Variants in RBFOX1 observed in about 807,000 individuals in gnomAD.
RBFOX1 encodes RNA binding protein fox-1 homolog 1.
Under a neutral mutation model 57.7 loss-of-function variants are expected in RBFOX1, and 8 were observed. That is an observed-to-expected ratio of 0.14 (90% CI 0.08 to 0.25). RBFOX1 has a LOEUF of 0.25. Ranked by LOEUF, RBFOX1 falls within the 10% of genes least tolerant of loss-of-function variation. The pLI, the probability that RBFOX1 is intolerant of heterozygous loss-of-function variation, is 1.00. For synonymous variants in RBFOX1, 326 were observed against 222.4 expected (o/e 1.47, Z -4.15); for missense variants, 611 against 548.5 (o/e 1.11, Z -1.14).
chr16:6,394,360 A>G (rs1432668230), intron 2 of RBFOX1, among the ~76,000 whole-genome samples: 1 of 152,226 alleles, frequency 6.6e-6, no homozygotes, highest in East Asian at 1.9e-4. Flanking sequence ...TTTTGTTTTT[A>G]AAGGAATAAT....
At chr16:6,752,742 C>G (rs79803549) in intron 3 of RBFOX1, among the ~76,000 whole-genome samples, 2,773 of 152,236 alleles carry the variant, frequency 0.018, 87 homozygotes, top group African/African-American at 0.063. Context: ...TTTCCTATCC[C>G]CCTTTCCCTT....
intron 4 of RBFOX1, among the ~76,000 whole-genome samples, chr16:7,376,912 A>G (rs545102274): frequency 6.6e-6 from 1 of 152,266 alleles, no homozygotes; most frequent in South Asian, 2.1e-4. Flanking sequence ...CCCAGTGCAT[A>G]GACCCATGTT....
rs1315767180 is a variant in RBFOX1 at position 5,955,318 on chromosome 16, A to G, written c.351+87983A>G. Among the ~76,000 whole-genome samples the G allele has an allele frequency of 3.8e-4, 10 of 26,096 alleles. No individual in the cohort carries two copies. The East Asian group carries it at 7.7e-3, about 20-fold the overall frequency. 17.1% of individuals were successfully genotyped at this position (26,096 alleles called of 152,430 possible). A position where few individuals can be genotyped will look rare whatever the true frequency, so the allele number is the denominator to read the frequency against. Reference sequence around the variant, plus strand: ...AAATAAAATAAAATAAAATAAAATAAAATAAAATAAAATAAAATAAAATAA... The same window carrying G: ...AAATAAAATAAAATAAAATAAAATAGAATAAAATAAAATAAAATAAAATAA... On this transcript the variant is annotated intron_variant, in intron 4 of 19. Transcript: ENST00000641259.
chr16:6,901,432 C>T (rs12597669), intron 3 of RBFOX1, among the ~76,000 whole-genome samples: 33,571 of 152,002 alleles, frequency 0.22, 4,558 homozygotes, highest in Admixed American at 0.35. Flanking sequence ...ACACAGAGTC[C>T]AAGAGGTCAA....
chr16:5,265,077 C>A (rs554117296), intron 1 of RBFOX1, among the ~76,000 whole-genome samples: 82 of 151,864 alleles, frequency 5.4e-4, no homozygotes, highest in African/African-American at 1.7e-3. Context: ...AAATAGCAAC[C>A]TTATGTTGGT....
At chr16:6,120,177 C>T (rs72774507) in intron 1 of RBFOX1, among the ~76,000 whole-genome samples, 1,803 of 152,258 alleles carry the variant, frequency 0.012, 10 homozygotes, top group Non-Finnish European at 0.019. Context: ...TGTATTTATC[C>T]GTTGATTAGC....
chr16:7,070,925 G>T (rs567129274), intron 4 of RBFOX1, among the ~76,000 whole-genome samples: 1 of 152,170 alleles, frequency 6.6e-6, no homozygotes, highest in East Asian at 1.9e-4. Flanking sequence ...GAGCTAGTAA[G>T]CAGGACTCAG....
intron 2 of RBFOX1, among the ~76,000 whole-genome samples, chr16:6,574,630 G>A (rs1323767932): frequency 6.8e-6 from 1 of 147,906 alleles, no homozygotes. Context: ...GGGTTTCACC[G>A]TTTTAGCCGG....
At chr16:7,581,466 G>A (rs1457060341) in intron 6 of RBFOX1, among the ~76,000 whole-genome samples, 1 of 152,070 alleles carries the variant, frequency 6.6e-6, no homozygotes, top group African/African-American at 2.4e-5. Context: ...AAGTGTCACT[G>A]TGATGTTGGC....
intron 3 of RBFOX1, among the ~76,000 whole-genome samples, chr16:7,041,164 G>A (rs1008757871): frequency 7.2e-6 from 1 of 138,944 alleles, no homozygotes; most frequent in East Asian, 2.1e-4. Context: ...TCGAACATCT[G>A]ACCTCATGAT....
intron 1 of RBFOX1, among the ~76,000 whole-genome samples, chr16:6,151,491 G>A (rs2096797552): frequency 6.6e-6 from 1 of 152,096 alleles, no homozygotes; most frequent in African/African-American, 2.4e-5. Context: ...TCACCATGTT[G>A]GCCAGGCTGG....
At chr16:7,156,387 GCA>G (rs1269028745) in intron 4 of RBFOX1, among the ~76,000 whole-genome samples, 2 of 151,160 alleles carry the variant, frequency 1.3e-5, no homozygotes, top group Non-Finnish European at 2.9e-5. Flanking sequence ...GTACATATAT[GCA>G]CACATACATG....
At chr16:6,977,525 A>T (rs1207469594) in intron 3 of RBFOX1, among the ~76,000 whole-genome samples, 2 of 152,002 alleles carry the variant, frequency 1.3e-5, no homozygotes, top group Non-Finnish European at 2.9e-5. Flanking sequence ...CTCACTCAAA[A>T]TGGAGTCACT....
intron 4 of RBFOX1, among the ~76,000 whole-genome samples, chr16:5,978,168 G>T (rs898398436): frequency 4.0e-5 from 4 of 98,858 alleles, no homozygotes; most frequent in Non-Finnish European, 7.9e-5. Context: ...AAAAGCAAGA[G>T]CCAGGTGTGG....
At chr16:5,709,827 ATATATATATATATATATTTTTTT>A (rs2051399357) in intron 3 of RBFOX1, among the ~76,000 whole-genome samples, 1 of 11,544 alleles carries the variant, frequency 8.7e-5, no homozygotes, top group Non-Finnish European at 1.7e-4. Context: ...ATATATATAT[ATATATATATATATATATTTTTTT>A]TTTTTTTTTT....
intron 4 of RBFOX1, among the ~76,000 whole-genome samples, chr16:7,366,854 A>T (rs988432015): frequency 2.5e-4 from 38 of 152,184 alleles, no homozygotes; most frequent in Non-Finnish European, 5.3e-4. Flanking sequence ...AAGAATTAGA[A>T]TATGAAGAAG....
At chr16:7,349,698 C>A (rs1024422617) in intron 4 of RBFOX1, among the ~76,000 whole-genome samples, 2 of 152,048 alleles carry the variant, frequency 1.3e-5, no homozygotes, top group Non-Finnish European at 2.9e-5. Context: ...CATATGTGTT[C>A]ACCGATTTAG....
chr16:6,961,464 C>A (rs34752464), intron 3 of RBFOX1, among the ~76,000 whole-genome samples: 86,295 of 152,094 alleles, frequency 0.57, 25,224 homozygotes, highest in Non-Finnish European at 0.63. Context: ...GGGTCCCGAT[C>A]AAGATCCCAA....
chr16:6,114,303 T>C (rs2096476408), intron 1 of RBFOX1, among the ~76,000 whole-genome samples: 1 of 152,226 alleles, frequency 6.6e-6, no homozygotes. Flanking sequence ...ATTTTACGGT[T>C]ACAGTCTTTG....
Sources: gnomAD v4.1 joint callset for allele counts (sites outside exome capture counted in the v4.1 genomes callset) on GRCh38, gnomAD v4.1.1 for gene constraint, MANE v1.5 for transcripts, NCBI Gene and HGNC (gene_info 2026-07-23, HGNC 2026-07-21) for gene names.